Variants in ANAPC2 observed in about 807,000 individuals in gnomAD.
ANAPC2 encodes anaphase promoting complex subunit 2.
A neutral mutation model predicts 84.3 loss-of-function variants in ANAPC2; 29 were observed. That is an observed-to-expected ratio of 0.34 (90% CI 0.26 to 0.47). ANAPC2 has a LOEUF of 0.47. ANAPC2 is among the 20% of genes least tolerant of loss of function. ANAPC2 has a pLI of 1.00. For synonymous variants in ANAPC2, 571 were observed against 479.4 expected (o/e 1.19, Z -2.50); for missense variants, 857 against 1,131.7 (o/e 0.76, Z 3.48).
At chr9:137,187,274 G>C in intron 2 of ANAPC2, 1 of 662,248 alleles carries the variant, frequency 1.5e-6, no homozygotes, top group Non-Finnish European at 2.5e-6. Context: ...CAGGGTCAAG[G>C]CATGAATCTG....
intron 2 of ANAPC2, 121 bp from the exon 3 acceptor site, chr9:137,186,477 C>T (rs1834473183): frequency 2.3e-6 from 3 of 1,324,268 alleles, no homozygotes; most frequent in South Asian, 1.4e-5. Context: ...CACACACACA[C>T]CCAGCACACA....
At chr9:137,188,278 G>A in intron 1 of ANAPC2, 138 bp downstream of exon 1, 1 of 1,293,878 alleles carries the variant, frequency 7.7e-7, no homozygotes, top group East Asian at 2.5e-5. Flanking sequence ...GAAACGAAAC[G>A]GAAAGGTGGT....
At chr9:137,188,314 C>A in intron 1 of ANAPC2, 102 bp downstream of exon 1, 2 of 1,363,674 alleles carry the variant, frequency 1.5e-6, no homozygotes, top group Non-Finnish European at 2.0e-6. Flanking sequence ...AGGACAGAGG[C>A]GGATGATGGA....
At position 137,175,391 on chromosome 9, in the gene ANAPC2, T is replaced by C; in HGVS notation, c.2102A>G (p.Gln701Arg). 1.9e-6 allele frequency: 3 copies of C among 1,609,912 alleles called. 1 individual carries two copies. The highest frequency in any genetic ancestry group is 3.3e-4 in the Middle Eastern group (2 of 6,052). Residue 701 changes from glutamine (Q) to arginine (R), a missense_variant, in exon 12 of 13, where the codon CAG (glutamine) becomes CGG (arginine). Transcript: ENST00000323927. ...LLRRRMSVWL[Q>R]QGVLREEPPG... is the part of the protein sequence containing the mutation. ...GGGCTCCTCACGCAGCACACCCTGCTGCAGCCACACGGACATCCGCCGCCG... is the reference window on the plus strand; with the variant it reads ...GGGCTCCTCACGCAGCACACCCTGCCGCAGCCACACGGACATCCGCCGCCG...
intron 7 of ANAPC2, among the ~76,000 whole-genome samples, chr9:137,181,456 C>T (rs949800677): frequency 6.6e-6 from 1 of 152,142 alleles, no homozygotes; most frequent in African/African-American, 2.4e-5. Flanking sequence ...GGCAGGGCAT[C>T]CCCCACGGCC....
chr9:137,187,807 C>A lies in ANAPC2; in HGVS notation c.414G>T (p.Leu138=). Residue 138 remains leucine (L), a synonymous_variant, in exon 2 of 13, where the codon CTG becomes CTT. Coordinates refer to ENST00000323927, the MANE Select transcript of ANAPC2 (RefSeq NM_013366.4). Reference sequence around the variant, plus strand: ...GAGCACCAGTGCCCATCAGCAAGCCCAGGCGAGTCCATTTCTCCAGCAGCT... The same window carrying A: ...GAGCACCAGTGCCCATCAGCAAGCCAAGGCGAGTCCATTTCTCCAGCAGCT... ...SLELLEKWTR[L]GLLMGTGAQG... 1 of 1,613,634 alleles carries A rather than the reference C, an allele frequency of 6.2e-7. No individual in the cohort carries two copies. The highest frequency in any genetic ancestry group is 8.5e-7 in the Non-Finnish European group (1 of 1,180,044).
At chr9:137,179,397 C>T (rs945893172) in intron 10 of ANAPC2, among the ~76,000 whole-genome samples, 6 of 152,140 alleles carry the variant, frequency 3.9e-5, no homozygotes, top group African/African-American at 9.7e-5. Flanking sequence ...CCTTCCTCCC[C>T]GAGCTGACAC....
rs1324823383 is a variant in ANAPC2, at chr9:137,175,786, C to T, written c.1942G>A (p.Val648Met). The T allele has an allele frequency of 1.2e-6, 2 of 1,610,714 alleles. No homozygotes were observed. The highest frequency in any genetic ancestry group is 1.7e-6 in the Non-Finnish European group (2 of 1,178,904). The change falls in exon 11 of 13, where the codon GTG becomes ATG. Residue 648 changes from valine (V) to methionine (M), a missense_variant. Val to Met is a conservative substitution (Grantham distance 21). Coordinates refer to ENST00000323927, the MANE Select transcript of ANAPC2 (RefSeq NM_013366.4). ...KHTLGLVTMD[V>M]ELADRTLSVA... ...GACAGCGTGCGGTCGGCCAGCTCCA[C>T]GTCCATGGTCACCAGGCCCAGGGTG...
intron 10 of ANAPC2, among the ~76,000 whole-genome samples, chr9:137,179,640 C>T (rs781217259): frequency 1.4e-4 from 22 of 152,358 alleles, no homozygotes; most frequent in Middle Eastern, 3.4e-3. Flanking sequence ...CACCACAGAC[C>T]CATAGCCCCG....
At chr9:137,188,267 C>A in intron 1 of ANAPC2, 149 bp downstream of exon 1, 1 of 1,285,504 alleles carries the variant, frequency 7.8e-7, no homozygotes, top group South Asian at 1.4e-5. Flanking sequence ...CGGAGCTGAA[C>A]GAAACGAAAC....
chr9:137,186,195 G>A (rs567883252), intron 3 of ANAPC2, 29 bp downstream of exon 3: 38 of 1,606,908 alleles, frequency 2.4e-5, no homozygotes, highest in Middle Eastern at 3.4e-4. Flanking sequence ...TGTCTCCAGC[G>A]GGGCACAGCC....
rs1193641952 is a variant in ANAPC2, at chr9:137,187,741, G to A, written c.480C>T (p.Val160=). 3 of 1,613,732 alleles carry A rather than the reference G, an allele frequency of 1.9e-6. No homozygotes were observed. Among genetic ancestry groups the A allele is most frequent in the Admixed American group, 1.7e-5 (1 of 60,006 alleles). Residue 160 remains valine, a synonymous_variant, in exon 2 of 13, where the codon GTC becomes GTT. Transcript: ENST00000323927. ...REEVHTMLRG[V]LFFSTPRTFQ... ...AGGTTCTGGGGGTGCTAAAGAACAA[G>A]ACTCCGCGCAACATAGTGTGGACTT...
At chr9:137,182,144 C>T (rs1377193857) in intron 6 of ANAPC2, among the ~76,000 whole-genome samples, 1 of 152,058 alleles carries the variant, frequency 6.6e-6, no homozygotes, top group Admixed American at 6.5e-5. Context: ...CCCAGGTGTC[C>T]GAGGCTGCAG....
At chr9:137,187,354 C>T (rs1564379921) in intron 2 of ANAPC2, 127 bp downstream of exon 2, 5 of 1,246,316 alleles carry the variant, frequency 4.0e-6, no homozygotes, top group Non-Finnish European at 1.1e-6. Context: ...ATCCCTGGGA[C>T]TCTCTCTCTG....
At chr9:137,180,425 C>T (rs758971802) in intron 9 of ANAPC2, 27 bp downstream of exon 9, 19 of 1,612,470 alleles carry the variant, frequency 1.2e-5, no homozygotes, top group East Asian at 4.5e-5. Flanking sequence ...GCGGGGCGGC[C>T]GGGCAGCGGG....
chr9:137,179,711 G>A (rs1186855612), intron 10 of ANAPC2, among the ~76,000 whole-genome samples: 1 of 152,260 alleles, frequency 6.6e-6, no homozygotes, highest in African/African-American at 2.4e-5. Flanking sequence ...CTGGAGAAGG[G>A]GGCAGGGCTG....
rs537241009 is a variant in ANAPC2, at chr9:137,185,544, C to T, written c.874-457G>A. ...CCTGCTACCCAGTGGCAAGACCGCA[C>T]GGATGTTCACCCTCTCCACCCTACT... On this transcript the variant is annotated intron_variant, in intron 3 of 12. Transcript: ENST00000323927. Among the ~76,000 whole-genome samples, 64 of 152,356 alleles carry T rather than the reference C, an allele frequency of 4.2e-4. 1 individual carries two copies. The highest frequency in any genetic ancestry group is 2.1e-3 in the South Asian group (10 of 4,828).
rs150004934 is a variant in ANAPC2, at chr9:137,175,372, C to T, written c.2121G>A (p.Glu707=). Residue 707 remains glutamate (E), a synonymous_variant, in exon 12 of 13, where the codon GAG becomes GAA. Transcript: ENST00000323927. ...TGACAGAGAAGGTGCCGGGGGGCTC[C>T]TCACGCAGCACACCCTGCTGCAGCC... The part of the protein sequence containing the change: ...SVWLQQGVLR[E]EPPGTFSVIE... The T allele has an allele frequency of 2.7e-5, 43 of 1,611,174 alleles. No homozygotes were observed. The highest frequency in any genetic ancestry group is 3.6e-5 in the Non-Finnish European group (42 of 1,179,418).
rs771664316 is a variant in ANAPC2 at position 137,180,238 on chromosome 9, G to A, written c.1833C>T (p.Val611=). 6.2e-7 allele frequency: 1 copy of A among 1,613,834 alleles called. No homozygotes were observed. The highest frequency in any genetic ancestry group is 1.7e-5 in the Admixed American group (1 of 60,032). Residue 611 remains valine, a synonymous_variant, in exon 10 of 13, where the codon GTC becomes GTT. Coordinates refer to ENST00000323927, the MANE Select transcript of ANAPC2 (RefSeq NM_013366.4). ...WPPFKDEKLE[V]PEDIRAALEA... ...CCAGGGCTGCCCTGATATCCTCGGG[G>A]ACCTCCAGCTTCTCGTCCTTGAAGG...
Sources: gnomAD v4.1 joint callset for allele counts (sites outside exome capture counted in the v4.1 genomes callset) on GRCh38, gnomAD v4.1.1 for gene constraint, MANE v1.5 for transcripts, NCBI Gene and HGNC (gene_info 2026-07-23, HGNC 2026-07-21) for gene names.